LAMA1: variants seen among roughly 807,000 people sequenced by gnomAD.
LAMA1 encodes laminin subunit alpha 1, also known as laminin subunit alpha-1.
Under a neutral mutation model 348.7 loss-of-function variants are expected in LAMA1, and 219 were observed. That is an observed-to-expected ratio of 0.63 (90% confidence interval 0.56 to 0.70). LAMA1 has a LOEUF of 0.70. LAMA1 is among the 30% of genes least tolerant of loss of function. LAMA1 has a pLI of 0.00. For missense variants in LAMA1, 3,744 were observed against 3,888.0 expected (o/e 0.96, Z 0.99); for synonymous variants, 1,487 against 1,491.0 (o/e 1.00, Z 0.06).
At chr18:7,035,102 C>A (rs1316078425) in intron 13 of LAMA1, among the ~76,000 whole-genome samples, 1 of 152,198 alleles carries the variant, frequency 6.6e-6, no homozygotes, top group Non-Finnish European at 1.5e-5. Context: ...TGCAATTGGT[C>A]AGGCTGGAGA....
At chr18:7,112,607 T>TATATAC (rs138993871) in intron 1 of LAMA1, among the ~76,000 whole-genome samples, 5 of 150,068 alleles carry the variant, frequency 3.3e-5, no homozygotes, top group African/African-American at 9.8e-5. Context: ...TATATATATA[T>TATATAC]ACACACATAT....
At chr18:7,097,721 T>C (rs547354597) in intron 1 of LAMA1, among the ~76,000 whole-genome samples, 17 of 152,344 alleles carry the variant, frequency 1.1e-4, no homozygotes, top group African/African-American at 3.6e-4. Context: ...AAGTATATAC[T>C]TATTTTTATG....
At chr18:7,073,753 C>A (rs1191924337) in intron 3 of LAMA1, among the ~76,000 whole-genome samples, 1 of 151,990 alleles carries the variant, frequency 6.6e-6, no homozygotes, top group East Asian at 1.9e-4. Context: ...ACTTTAAATT[C>A]TTTACGGCAT....
At chr18:7,104,229 G>C (rs8091996) in intron 1 of LAMA1, among the ~76,000 whole-genome samples, 124 of 151,744 alleles carry the variant, frequency 8.2e-4, no homozygotes, top group African/African-American at 2.9e-3. Flanking sequence ...CACCCACCTC[G>C]GCCTCCCAAA....
At chr18:7,069,420 AC>A (rs2058136988) in intron 3 of LAMA1, among the ~76,000 whole-genome samples, 1 of 152,100 alleles carries the variant, frequency 6.6e-6, no homozygotes, top group Non-Finnish European at 1.5e-5. Flanking sequence ...CTAGAGAAAG[AC>A]CCTTTCAGAA....
chr18:7,088,802 G>T (rs1280172809), intron 1 of LAMA1, among the ~76,000 whole-genome samples: 2 of 152,042 alleles, frequency 1.3e-5, no homozygotes, highest in African/African-American at 4.8e-5. Flanking sequence ...GATTACAGGC[G>T]TGAGCCACAG....
At chr18:6,947,417 T>C in intron 60 of LAMA1, 121 bp from the exon 61 acceptor site, 3 of 1,162,370 alleles carry the variant, frequency 2.6e-6, no homozygotes, top group Non-Finnish European at 3.8e-6. Context: ...TCCAGCTGCA[T>C]CCCCACCAGC....
At chr18:7,004,138 G>A (rs948554287) in intron 29 of LAMA1, among the ~76,000 whole-genome samples, 1 of 152,166 alleles carries the variant, frequency 6.6e-6, no homozygotes, top group Non-Finnish European at 1.5e-5. Context: ...GAGTGGCAGG[G>A]AAACAAGGAC....
intron 3 of LAMA1, among the ~76,000 whole-genome samples, chr18:7,068,959 CT>C (rs759496644): frequency 3.3e-5 from 5 of 152,004 alleles, no homozygotes; most frequent in Admixed American, 6.6e-5. Context: ...AAAATCTTTA[CT>C]TTGATGCCAA....
In LAMA1 at chr18:6,982,673, G is replaced by A. The variant is rs766958030; in HGVS notation, c.5797-83C>T. Reference sequence around the variant, plus strand: ...GGACAGAGGAAGTGACTCCATCAGAGTAGCCCCCAGACACATTCCCAGCAA... The same window carrying A: ...GGACAGAGGAAGTGACTCCATCAGAATAGCCCCCAGACACATTCCCAGCAA... On this transcript the variant is annotated intron_variant, in intron 40 of 62. Transcript: ENST00000389658. 21 of 1,109,822 alleles carry A rather than the reference G, an allele frequency of 1.9e-5. 1 individual carries two copies. The Middle Eastern group carries it at 7.2e-4, about 38-fold the overall frequency. The allele number at this position is 1,109,822 out of a possible 1,614,324, so 68.7% of individuals were successfully genotyped here. A position where few individuals can be genotyped will look rare whatever the true frequency, so the allele number is the denominator to read the frequency against.
chr18:7,001,528 G>T (rs545964202), intron 30 of LAMA1, among the ~76,000 whole-genome samples: 1 of 152,092 alleles, frequency 6.6e-6, no homozygotes, highest in South Asian at 2.1e-4. Context: ...CTCTCATTTG[G>T]TACTCACCAT....
intron 48 of LAMA1, 85 bp from the exon 49 acceptor site, chr18:6,966,382 A>G (rs1201027027): frequency 1.4e-5 from 16 of 1,141,456 alleles, no homozygotes; most frequent in Non-Finnish European, 2.1e-5. Flanking sequence ...CTCCTTCACA[A>G]AGATCACTGT....
At position 7,068,312 on chromosome 18, in the gene LAMA1, G is replaced by A. The variant is rs759576487; in HGVS notation, c.345+11663C>T. 7.2e-5 allele frequency among the ~76,000 whole-genome samples: 11 copies of A among 152,292 alleles called. No individual in the cohort carries two copies. The East Asian group carries it at 1.5e-3, about 21-fold the overall frequency. On this transcript the variant is annotated intron_variant, in intron 3 of 62. Transcript: ENST00000389658. ...CTGCCTTTAAAGATGCAATGAAAGC[G>A]AGCCTGCTCATCACTGCTAATAACC...
chr18:6,959,358 G>C lies in LAMA1; in HGVS notation c.7761C>G (p.Ser2587=), dbSNP rs1568007893. The C allele has an allele frequency of 2.2e-5, 36 of 1,614,016 alleles. No individual in the cohort carries two copies. The highest frequency in any genetic ancestry group is 3.0e-5 in the Non-Finnish European group (35 of 1,180,048). Residue 2587 remains serine (S), a synonymous_variant, in exon 54 of 63, where the codon TCC becomes TCG. Coordinates refer to ENST00000389658, the MANE Select transcript of LAMA1 (RefSeq NM_005559.4). ...GCAAGTACCTCCGATTCCTGACCAAGGAGATGGAATGCGCTTGTCCATCAC... is the reference window on the plus strand; with the variant it reads ...GCAAGTACCTCCGATTCCTGACCAACGAGATGGAATGCGCTTGTCCATCAC... The part of the protein sequence containing the change: ...TCSDGQAHSI[S]LVRNRRIITV...
In LAMA1 at chr18:7,023,320, A is replaced by G. The variant is rs745754792; in HGVS notation, c.2545T>C (p.Cys849Arg). ...PTVPGESCVP[C>R]DCSGNVDPSE... ...GGGTCCACGTTGCCGCTGCAGTCACAGGGAACACAAGATTCGCCAGGCACT... is the reference window on the plus strand; with the variant it reads ...GGGTCCACGTTGCCGCTGCAGTCACGGGGAACACAAGATTCGCCAGGCACT... The change falls in exon 19 of 63, where the codon TGT becomes CGT. Residue 849 changes from cysteine to arginine, a missense_variant. Physicochemically the swap from Cys to Arg is radical, Grantham distance 180. This residue lies in a region of LAMA1 where 1,529 missense variants were observed against 1,689.4 expected (regional missense o/e 0.91). Transcript: ENST00000389658. 4 of 1,614,200 alleles carry G rather than the reference A, an allele frequency of 2.5e-6. No individual in the cohort carries two copies. Among genetic ancestry groups the G allele is most frequent in the Middle Eastern group, 1.6e-4 (1 of 6,062 alleles).
intron 22 of LAMA1, among the ~76,000 whole-genome samples, chr18:7,014,902 A>G (rs561579270): frequency 2.0e-5 from 3 of 152,020 alleles, no homozygotes; most frequent in Non-Finnish European, 2.9e-5. Context: ...GCTGGAATGC[A>G]GTGGCCCGAT....
chr18:6,979,805 A>G (rs1014407398), intron 42 of LAMA1, among the ~76,000 whole-genome samples: 2 of 152,012 alleles, frequency 1.3e-5, no homozygotes. Flanking sequence ...AGGCTGAGGC[A>G]GGAGAATGGT....
chr18:7,064,428 C>A (rs1275139388), intron 3 of LAMA1, among the ~76,000 whole-genome samples: 2 of 152,150 alleles, frequency 1.3e-5, no homozygotes, highest in Admixed American at 1.3e-4. Flanking sequence ...GTCAAGCAAA[C>A]AGCTCCGAGG....
intron 3 of LAMA1, among the ~76,000 whole-genome samples, chr18:7,059,741 A>G (rs57165521): frequency 0.052 from 7,973 of 152,222 alleles, 531 homozygotes; most frequent in East Asian, 0.2. Flanking sequence ...ATTCTCCATA[A>G]AAGAACCTAC....
Sources: gnomAD v4.1 joint callset for allele counts (sites outside exome capture counted in the v4.1 genomes callset) on GRCh38, gnomAD v4.1.1 for gene constraint, gnomAD v4.1.1 regional missense constraint, MANE v1.5 for transcripts, NCBI Gene and HGNC (gene_info 2026-07-23, HGNC 2026-07-21) for gene names.